Variants in INPP5A observed in about 807,000 individuals in gnomAD.
INPP5A encodes the protein 43 kDa inositol polyphosphate 5-phophatase.
A neutral mutation model predicts 65.2 loss-of-function variants in INPP5A; 14 were observed. That is an observed-to-expected ratio of 0.21 (90% CI 0.14 to 0.34). INPP5A has a LOEUF of 0.34. Among genes scored for constraint, INPP5A ranks in the 10% least tolerant of loss-of-function variants. The pLI, the probability that INPP5A is intolerant of heterozygous loss-of-function variation, is 1.00. For missense variants in INPP5A, 431 were observed against 545.6 expected, an observed-to-expected ratio of 0.79 and a Z score of 2.09; for synonymous variants, 207 against 208.3, an observed-to-expected ratio of 0.99 and a Z score of 0.05.
intron 12 of INPP5A, among the ~76,000 whole-genome samples, chr10:132,767,463 C>T (rs1276923040): frequency 1.3e-5 from 2 of 152,180 alleles, no homozygotes; most frequent in Non-Finnish European, 2.9e-5. Context: ...GGAGGAGCCT[C>T]CAGAAGGCAG....
intron 5 of INPP5A, among the ~76,000 whole-genome samples, chr10:132,694,702 TAGAG>T (rs745969494): frequency 6.6e-6 from 1 of 152,028 alleles, no homozygotes; most frequent in African/African-American, 2.4e-5. Context: ...TATCAGAAAT[TAGAG>T]AGGGGCCATT....
intron 1 of INPP5A, among the ~76,000 whole-genome samples, chr10:132,571,926 G>A (rs1276830354): frequency 1.3e-5 from 2 of 152,210 alleles, no homozygotes; most frequent in Admixed American, 6.5e-5. Context: ...TAGAGGCAGA[G>A]TGGGCCGCAC....
intron 9 of INPP5A, among the ~76,000 whole-genome samples, chr10:132,731,419 C>A (rs115342496): frequency 2.6e-5 from 4 of 151,610 alleles, no homozygotes; most frequent in African/African-American, 9.7e-5. Flanking sequence ...GTCCCTCCTG[C>A]GTATCAGACG....
At chr10:132,548,269 C>T (rs191234602) in intron 1 of INPP5A, among the ~76,000 whole-genome samples, 113 of 152,142 alleles carry the variant, frequency 7.4e-4, no homozygotes, top group African/African-American at 2.6e-3. Flanking sequence ...GCTGTGGATC[C>T]GGTAGTCCCC....
chr10:132,629,696 CG>C (rs2072239227), intron 2 of INPP5A, among the ~76,000 whole-genome samples: 1 of 152,238 alleles, frequency 6.6e-6, no homozygotes, highest in Admixed American at 6.5e-5. Context: ...GCATTCCACA[CG>C]TGAGCATCCA....
chr10:132,590,338 G>T (rs2071604401), intron 1 of INPP5A, among the ~76,000 whole-genome samples: 3 of 152,216 alleles, frequency 2.0e-5, no homozygotes, highest in Admixed American at 2.0e-4. Flanking sequence ...TTCTGTGTGG[G>T]GAGGGACAGT....
chr10:132,644,806 GC>G lies in INPP5A; in HGVS notation c.118-1061del, dbSNP rs1160565081. Among the ~76,000 whole-genome samples, 1 of 152,172 alleles carries G rather than the reference GC, an allele frequency of 6.6e-6. No homozygotes were observed. The highest frequency in any genetic ancestry group is 1.5e-5 in the Non-Finnish European group (1 of 68,038). ...CAATCAGTGCCTCACCCCTCATCCT[GC>G]TCAAGTGAAATGGGGCTCCCCGACT... On this transcript the variant is annotated intron_variant, in intron 2 of 15. Coordinates refer to ENST00000368594, the MANE Select transcript of INPP5A (RefSeq NM_005539.5). This position sits in a 1 kb window ranked among gnomAD's most constrained non-coding sequence, Gnocchi z 6.5.
intron 1 of INPP5A, among the ~76,000 whole-genome samples, chr10:132,565,740 T>TGC (rs988853804): frequency 3.3e-5 from 5 of 151,660 alleles, no homozygotes; most frequent in Admixed American, 1.3e-4. Context: ...TGTGTGTGTG[T>TGC]GCGCCGTTGT....
At position 132,744,675 on chromosome 10, in the gene INPP5A, C is replaced by T. The variant is rs559786476; in HGVS notation, c.733-4842C>T. On this transcript the variant is annotated intron_variant, in intron 9 of 15. Transcript: ENST00000368594. ...CGGGGGCAACGTTGGCTTTGTGGTTCGTTTTTATTTTATTTAACTGTGAAC... is the reference window on the plus strand; with the variant it reads ...CGGGGGCAACGTTGGCTTTGTGGTTTGTTTTTATTTTATTTAACTGTGAAC... 5.3e-5 allele frequency among the ~76,000 whole-genome samples: 8 copies of T among 152,262 alleles called. No homozygotes were observed. In the East Asian group the frequency reaches 1.4e-3, roughly 26 times the overall value.
chr10:132,597,350 A>G (rs1420508918), intron 1 of INPP5A, among the ~76,000 whole-genome samples: 2 of 152,228 alleles, frequency 1.3e-5, no homozygotes, highest in African/African-American at 2.4e-5. Context: ...CAGCTCATCC[A>G]CAAGGACTCG....
At position 132,705,052 on chromosome 10, in the gene INPP5A, G is replaced by C. The variant is rs1278175352; in HGVS notation, c.475-3261G>C. 6.6e-6 allele frequency among the ~76,000 whole-genome samples: 1 copy of C among 152,196 alleles called. No homozygotes were observed. The highest frequency in any genetic ancestry group is 1.5e-5 in the Non-Finnish European group (1 of 68,028). On this transcript the variant is annotated intron_variant, in intron 6 of 15. Coordinates refer to ENST00000368594, the MANE Select transcript of INPP5A (RefSeq NM_005539.5). The surrounding 1 kb of genome is among the most constrained non-coding windows in gnomAD (Gnocchi z 4.9). The stretch of plus-strand genomic sequence containing the variant: ...TGGCAGGCGGCTCGTCTGGAGTGCA[G>C]GCTGAGTGGAGGGGAGAGAGTCCAA...
intron 1 of INPP5A, among the ~76,000 whole-genome samples, chr10:132,601,600 T>A (rs1170898685): frequency 1.3e-5 from 2 of 152,230 alleles, no homozygotes; most frequent in Non-Finnish European, 2.9e-5. Context: ...TTCTCCCCTA[T>A]GTTTTCTTCT....
rs188421113 is a variant in INPP5A, at chr10:132,720,700, G to A, written c.648-6121G>A. ...CTGGGTTCTTTCTGGGGGCACCTTA[G>A]ACAGCTGTCTTCAGGGTTCTGTGGT... On this transcript the variant is annotated intron_variant, in intron 8 of 15. Coordinates refer to ENST00000368594, the MANE Select transcript of INPP5A (RefSeq NM_005539.5). Among the ~76,000 whole-genome samples the A allele has an allele frequency of 1.8e-3, 260 of 147,990 alleles. 6 individuals are homozygous for A. Among genetic ancestry groups the A allele is most frequent in the African/African-American group, 6.3e-3 (250 of 39,960 alleles).
intron 1 of INPP5A, among the ~76,000 whole-genome samples, chr10:132,540,111 A>T (rs959972046): frequency 6.6e-6 from 1 of 152,194 alleles, no homozygotes; most frequent in African/African-American, 2.4e-5. Flanking sequence ...GATGATTCAG[A>T]TCCGTTAGCT....
At chr10:132,747,651 C>G (rs1267086486) in intron 9 of INPP5A, among the ~76,000 whole-genome samples, 1 of 152,258 alleles carries the variant, frequency 6.6e-6, no homozygotes, top group African/African-American at 2.4e-5. Flanking sequence ...CTCAGCAGCA[C>G]CAGCTCCCAA....
chr10:132,565,192 C>T (rs1187433787), intron 1 of INPP5A, among the ~76,000 whole-genome samples: 1 of 152,180 alleles, frequency 6.6e-6, no homozygotes, highest in East Asian at 1.9e-4. Context: ...TTACTGCAGC[C>T]TTGACCTTCT....
At chr10:132,586,890 C>T (rs1237351969) in intron 1 of INPP5A, among the ~76,000 whole-genome samples, 1 of 152,252 alleles carries the variant, frequency 6.6e-6, no homozygotes, top group African/African-American at 2.4e-5. Context: ...CGCGGCGAGG[C>T]TGTGGTTCTC....
At chr10:132,683,067 T>G (rs2073069393) in intron 4 of INPP5A, among the ~76,000 whole-genome samples, 1 of 150,876 alleles carries the variant, frequency 6.6e-6, no homozygotes, top group Admixed American at 6.6e-5. Context: ...TATATACATA[T>G]GTACGCACAT....
intron 12 of INPP5A, among the ~76,000 whole-genome samples, chr10:132,775,957 G>A (rs1474980246): frequency 6.6e-6 from 1 of 152,122 alleles, no homozygotes; most frequent in Non-Finnish European, 1.5e-5. Flanking sequence ...CTGTGTGCAT[G>A]TGTGTCCGGG....
Sources: allele counts gnomAD v4.1 joint callset (sites outside exome capture counted in the v4.1 genomes callset), GRCh38; gene constraint gnomAD v4.1.1; non-coding constraint Gnocchi (gnomAD v3.1); transcripts MANE v1.5; gene names NCBI Gene and HGNC (gene_info 2026-07-23, HGNC 2026-07-21).